Variants in TRIM24 observed in about 807,000 individuals in gnomAD.
The protein encoded by TRIM24 is tripartite motif containing 24.
Under a neutral mutation model 123.9 loss-of-function variants are expected in TRIM24, and 29 were observed. The ratio of observed to expected loss-of-function variants is 0.23; its 90% CI spans 0.17 to 0.32. The LOEUF is 0.32. TRIM24 is among the 10% of genes least tolerant of loss of function. The probability of loss-of-function intolerance (pLI) is 1.00; values close to 1 mark genes in which losing one functional copy is unlikely to be tolerated. For missense variants in TRIM24, 932 were observed against 1,295.3 expected (o/e 0.72, Z 4.31); for synonymous variants, 456 against 461.1 (o/e 0.99, Z 0.14).
At chr7:138,556,728 C>G (rs190986363) in intron 9 of TRIM24, among the ~76,000 whole-genome samples, 1 of 152,162 alleles carries the variant, frequency 6.6e-6, no homozygotes. Flanking sequence ...TATGAGCCCA[C>G]AGAGCAGGCT....
At chr7:138,528,645 GGT>G (rs1367946062) in intron 5 of TRIM24, among the ~76,000 whole-genome samples, 3 of 151,870 alleles carry the variant, frequency 2.0e-5, no homozygotes, top group Admixed American at 2.0e-4. Context: ...TTTCTATTTA[GGT>G]GTATGAATAC....
chr7:138,468,359 A>G (rs1233455355), intron 1 of TRIM24, among the ~76,000 whole-genome samples: 2 of 152,162 alleles, frequency 1.3e-5, no homozygotes, highest in East Asian at 3.8e-4. Context: ...GTTTTGCTAC[A>G]GGTATTTTGA....
rs1211297509 is a variant in TRIM24 at position 138,529,149 on chromosome 7, G to C, written c.915G>C (p.Val305=). 1.9e-6 allele frequency: 3 copies of C among 1,565,630 alleles called. No individual in the cohort carries two copies. The highest frequency in any genetic ancestry group is 2.4e-5 in the South Asian group (2 of 82,398). Residue 305 remains valine (V), a synonymous_variant, in exon 6 of 19, where the codon GTG becomes GTC. Transcript: ENST00000343526. The stretch of plus-strand genomic sequence containing the variant: ...AAGTAAATCAAAATCAAAAGCAGGT[G>C]GAACAGGATATTAAAGTTGCTATAT... ...IIEVNQNQKQ[V]EQDIKVAIFT...
intron 18 of TRIM24, among the ~76,000 whole-genome samples, chr7:138,584,294 A>ATCTTGAAATAT (rs1331093467): frequency 3.9e-5 from 6 of 152,132 alleles, no homozygotes; most frequent in African/African-American, 1.4e-4. Context: ...TTTTATGTTG[A>ATCTTGAAATAT]TCTTGAAATA....
In TRIM24 at chr7:138,567,509, A is replaced by T; in HGVS notation, c.1559A>T (p.Gln520Leu). 1 of 1,608,812 alleles carries T rather than the reference A, an allele frequency of 6.2e-7. No individual in the cohort carries two copies. The highest frequency in any genetic ancestry group is 8.5e-7 in the Non-Finnish European group (1 of 1,178,164). The stretch of plus-strand genomic sequence containing the variant: ...CCGCCTCCACGTTTGATAAACTTTC[A>T]GAATCACAGCCCCAAACCCAATGGA... ...QQPPPRLINF[Q>L]NHSPKPNGPV... The change falls in exon 10 of 19, where the codon CAG becomes CTG. Residue 520 changes from glutamine to leucine, a missense_variant. Physicochemically the swap from Gln to Leu is moderately radical, Grantham distance 113. Transcript: ENST00000343526.
intron 1 of TRIM24, among the ~76,000 whole-genome samples, chr7:138,488,987 C>G (rs111243053): frequency 1.3e-5 from 2 of 152,266 alleles, no homozygotes; most frequent in Middle Eastern, 6.8e-3. Flanking sequence ...GAGTCTAAGT[C>G]TCTTTGTAGG....
At chr7:138,549,665 T>C (rs142225508) in intron 7 of TRIM24, among the ~76,000 whole-genome samples, 1 of 152,178 alleles carries the variant, frequency 6.6e-6, no homozygotes, top group East Asian at 1.9e-4. Flanking sequence ...AGAGGAGTCT[T>C]TTGAAGAGTT....
chr7:138,460,609 G>T lies in TRIM24; in HGVS notation c.61G>T (p.Gly21Trp), dbSNP rs1425075676. ...AAAAASAAAS[G>W]GPSAAPSGEN... is the part of the protein sequence containing the mutation. ...GGCAGCGGCCTCGGCTGCGGCCTCC[G>T]GGGGGCCCTCGGCGGCGCCGAGCGG... The change falls in exon 1 of 19, where the codon GGG becomes TGG. Residue 21 changes from glycine to tryptophan, a missense_variant. Gly to Trp is a radical substitution (Grantham distance 184, BLOSUM62 -2). Coordinates refer to ENST00000343526, the MANE Select transcript of TRIM24 (RefSeq NM_015905.3). The T allele has an allele frequency of 2.9e-6, 4 of 1,364,492 alleles. No homozygotes were observed. The highest frequency in any genetic ancestry group is 3.8e-6 in the Non-Finnish European group (4 of 1,065,664). The allele number at this position is 1,364,492 out of a possible 1,614,324, so 84.5% of individuals were successfully genotyped here.
At chr7:138,485,325 A>G (rs1795620084) in intron 1 of TRIM24, among the ~76,000 whole-genome samples, 1 of 151,978 alleles carries the variant, frequency 6.6e-6, no homozygotes, top group Non-Finnish European at 1.5e-5. Flanking sequence ...TGCTATTTCC[A>G]GAACTTTTTC....
At chr7:138,565,675 C>G (rs904449417) in intron 9 of TRIM24, among the ~76,000 whole-genome samples, 4 of 152,210 alleles carry the variant, frequency 2.6e-5, no homozygotes, top group Admixed American at 6.5e-5. Context: ...TGGCCACTGG[C>G]CCAACGGATT....
Position 138,561,279 on chromosome 7 carries a change from A to T in TRIM24, c.1531-6202A>T, listed in dbSNP as rs138856167. Among the ~76,000 whole-genome samples the T allele has an allele frequency of 7.9e-5, 12 of 152,204 alleles. No individual in the cohort carries two copies. The East Asian group carries it at 2.3e-3, about 29-fold the overall frequency. On this transcript the variant is annotated intron_variant, in intron 9 of 18. Coordinates refer to ENST00000343526, the MANE Select transcript of TRIM24 (RefSeq NM_015905.3). Reference sequence around the variant, plus strand: ...CCCCTTCCAATACAAAATTGCTTCCATCTGTAAAGTATTCAACATCTGGGT... The same window carrying T: ...CCCCTTCCAATACAAAATTGCTTCCTTCTGTAAAGTATTCAACATCTGGGT...
intron 3 of TRIM24, among the ~76,000 whole-genome samples, chr7:138,518,360 C>A (rs115000371): frequency 0.018 from 2,779 of 152,168 alleles, 71 homozygotes; most frequent in African/African-American, 0.061. Context: ...TAGTAATTAT[C>A]TCTGGAGGTA....
At chr7:138,461,993 G>A (rs976821861) in intron 1 of TRIM24, among the ~76,000 whole-genome samples, 1 of 152,126 alleles carries the variant, frequency 6.6e-6, no homozygotes, top group Non-Finnish European at 1.5e-5. Flanking sequence ...ACAGTTTTCC[G>A]TGGGTCTCCG....
chr7:138,507,359 ATT>A lies in TRIM24; in HGVS notation c.483+2968_483+2969del, dbSNP rs11301228. ...CAGCCATTATATGATTTCATCTGTA[ATT>A]TTTTTTTTTTTTTTTTGAGATGGAG... On this transcript the variant is annotated intron_variant, in intron 2 of 18. Transcript: ENST00000343526. Among the ~76,000 whole-genome samples the A allele has an allele frequency of 1.6e-3, 218 of 132,308 alleles. 3 individuals carry two copies. The highest frequency in any genetic ancestry group is 0.012 in the South Asian group (49 of 4,058). The allele number at this position is 132,308 out of a possible 152,430, so 86.8% of individuals were successfully genotyped here.
intron 6 of TRIM24, among the ~76,000 whole-genome samples, chr7:138,533,558 A>T (rs1213909585): frequency 6.6e-6 from 1 of 152,164 alleles, no homozygotes; most frequent in Non-Finnish European, 1.5e-5. Flanking sequence ...CATCCCAGGG[A>T]TGAAGCCCAC....
intron 12 of TRIM24, among the ~76,000 whole-genome samples, chr7:138,576,037 T>G (rs1257250135): frequency 6.6e-6 from 1 of 152,188 alleles, no homozygotes; most frequent in East Asian, 1.9e-4. Flanking sequence ...TGGAGATGTT[T>G]TTGATTGTCA....
At position 138,585,894 on chromosome 7, in the gene TRIM24, TTCC is replaced by T. The variant is rs1188049075; in HGVS notation, c.*946_*948del. 1.9e-6 allele frequency: 1 copy of T among 518,842 alleles called. No homozygotes were observed. The highest frequency in any genetic ancestry group is 1.9e-5 in the African/African-American group (1 of 51,964). 32.1% of individuals were successfully genotyped at this position (518,842 alleles called of 1,614,324 possible). ...TACCCTACTGGGCATTAAATATAAG[TTCC>T]TCTGAAAGGGACTCGTTTTTGTGGT... On this transcript the variant is annotated 3_prime_UTR_variant, in exon 19 of 19. Coordinates refer to ENST00000343526, the MANE Select transcript of TRIM24 (RefSeq NM_015905.3).
At chr7:138,514,687 A>C (rs967743797) in intron 2 of TRIM24, 1 of 152,182 alleles carries the variant, frequency 6.6e-6, no homozygotes, top group African/African-American at 2.4e-5. Context: ...GATTTCCTTT[A>C]TGGTAATTCT....
intron 1 of TRIM24, among the ~76,000 whole-genome samples, chr7:138,464,867 C>T (rs1357578272): frequency 2.0e-5 from 3 of 152,060 alleles, no homozygotes; most frequent in Admixed American, 6.5e-5. Context: ...CCTAATCTGG[C>T]GTAGTTGCAG....
Sources: gnomAD v4.1 joint callset for allele counts (sites outside exome capture counted in the v4.1 genomes callset) on GRCh38, gnomAD v4.1.1 for gene constraint, MANE v1.5 for transcripts, NCBI Gene and HGNC (gene_info 2026-07-23, HGNC 2026-07-21) for gene names.